Variants in FAM120B observed in about 807,000 individuals in gnomAD.
FAM120B encodes the protein constitutive coactivator of peroxisome proliferator-activated receptor gamma.
A neutral mutation model predicts 96.3 loss-of-function variants in FAM120B; 83 were observed. The ratio of observed to expected loss-of-function variants is 0.86; its 90% CI spans 0.72 to 1.03. The LOEUF (loss-of-function observed/expected upper bound fraction) is 1.03. Ranked by LOEUF, FAM120B falls within the 50% of genes least tolerant of loss-of-function variation. FAM120B has a pLI of 0.00. For synonymous variants in FAM120B, 407 were observed against 402.7 expected (o/e 1.01, Z -0.13); for missense variants, 1,027 against 1,121.2 (o/e 0.92, Z 1.20).
chr6:170,373,488 A>T (rs931917957), intron 6 of FAM120B, among the ~76,000 whole-genome samples: 1 of 152,182 alleles, frequency 6.6e-6, no homozygotes, highest in African/African-American at 2.4e-5. Flanking sequence ...TCAGATCCTC[A>T]GATTTTACTC....
chr6:170,361,182 C>CTATATATATATACATATA (rs1554286307), intron 6 of FAM120B, among the ~76,000 whole-genome samples: 1,187 of 75,494 alleles, frequency 0.016, 49 homozygotes, highest in African/African-American at 0.058. Flanking sequence ...AGCCTTAAAA[C>CTATATATATATACATATA]TATATATATA....
chr6:170,389,362 A>G (rs1169668071), intron 7 of FAM120B, among the ~76,000 whole-genome samples: 1 of 152,144 alleles, frequency 6.6e-6, no homozygotes, highest in African/African-American at 2.4e-5. Flanking sequence ...TAGCAGTTTT[A>G]GATTTTGGAT....
At chr6:170,331,075 CT>C (rs1786000644) in intron 4 of FAM120B, among the ~76,000 whole-genome samples, 2 of 152,178 alleles carry the variant, frequency 1.3e-5, no homozygotes, top group East Asian at 3.8e-4. Flanking sequence ...TATCTTAAAG[CT>C]TAATGAGAGG....
intron 9 of FAM120B, among the ~76,000 whole-genome samples, chr6:170,398,200 G>T (rs972208420): frequency 2.0e-5 from 3 of 152,240 alleles, no homozygotes; most frequent in African/African-American, 7.2e-5. Flanking sequence ...TTTCCATCAG[G>T]CATCTGGCCT....
rs369276526 is a variant in FAM120B at position 170,396,700 on chromosome 6, G to A, written c.2692+1121G>A. On this transcript the variant is annotated intron_variant, in intron 9 of 10. Transcript: ENST00000476287. Reference sequence around the variant, plus strand: ...TAAACATAAGGGTCACTTCCACTTCGTCACTAACTAAATCATCCGAGTATT... The same window carrying A: ...TAAACATAAGGGTCACTTCCACTTCATCACTAACTAAATCATCCGAGTATT... 1.3e-4 allele frequency among the ~76,000 whole-genome samples: 20 copies of A among 152,208 alleles called. No homozygotes were observed. The East Asian group carries it at 2.7e-3, about 21-fold the overall frequency.
At chr6:170,339,893 C>G (rs770483177) in intron 4 of FAM120B, among the ~76,000 whole-genome samples, 14 of 152,066 alleles carry the variant, frequency 9.2e-5, no homozygotes, top group Non-Finnish European at 1.9e-4. Context: ...TGTAGGTAAC[C>G]TGACCTTTCT....
At chr6:170,372,046 T>A (rs1373863404) in intron 6 of FAM120B, among the ~76,000 whole-genome samples, 1 of 152,212 alleles carries the variant, frequency 6.6e-6, no homozygotes, top group Non-Finnish European at 1.5e-5. Flanking sequence ...CAGTTATTTT[T>A]AAAGAGTTTA....
intron 9 of FAM120B, among the ~76,000 whole-genome samples, chr6:170,403,631 G>A (rs184338444): frequency 6.6e-6 from 1 of 152,136 alleles, no homozygotes; most frequent in Non-Finnish European, 1.5e-5. Flanking sequence ...GAGAACAAAG[G>A]CTGCTCAAGT....
chr6:170,394,063 C>T (rs563977785), intron 8 of FAM120B, among the ~76,000 whole-genome samples: 4 of 152,312 alleles, frequency 2.6e-5, no homozygotes, highest in East Asian at 3.9e-4. Context: ...TGAGCACACA[C>T]GGGCTGACCC....
intron 9 of FAM120B, among the ~76,000 whole-genome samples, chr6:170,399,776 A>G (rs1778443761): frequency 6.7e-6 from 1 of 149,454 alleles, no homozygotes; most frequent in Non-Finnish European, 1.5e-5. Flanking sequence ...CTATGTCATA[A>G]CCCTTAGGAG....
rs372705433 is a variant in FAM120B at position 170,330,522 on chromosome 6, C to T, written c.1989C>T (p.Leu663=). The change falls in exon 4 of 11, where the codon CTC becomes CTT. Residue 663 remains leucine (L), a synonymous_variant. Coordinates refer to ENST00000476287, the MANE Select transcript of FAM120B (RefSeq NM_032448.3). ...YPGNPLRHPD[L]VRPLQMTIPG... ...GGAACCCACTGAGGCACCCGGACCT[C>T]GTCAGGCCGCTGCAGATGACCATTC... 4.7e-5 allele frequency: 76 copies of T among 1,614,146 alleles called. No homozygotes were observed. The highest frequency in any genetic ancestry group is 2.9e-4 in the East Asian group (13 of 44,884).
intron 7 of FAM120B, among the ~76,000 whole-genome samples, chr6:170,389,709 A>C (rs1221731904): frequency 2.0e-5 from 3 of 152,070 alleles, no homozygotes; most frequent in African/African-American, 7.2e-5. Context: ...GCAGGCGCGC[A>C]TCACCATGCC....
rs1209696585 is a variant in FAM120B, at chr6:170,395,582, A to G, written c.2692+3A>G. 2 of 1,585,880 alleles carry G rather than the reference A, an allele frequency of 1.3e-6. No homozygotes were observed. The highest frequency in any genetic ancestry group is 1.3e-5 in the African/African-American group (1 of 74,140). On this transcript the variant is annotated splice_donor_region_variant and intron_variant, in intron 9 of 10. Coordinates refer to ENST00000476287, the MANE Select transcript of FAM120B (RefSeq NM_032448.3). ...GCCGTGGAGAGACCAGGGACCAGGT[A>G]AGAAGGCCAGTGGTCACTCTGCTGG...
At chr6:170,315,525 A>C (rs565000722) in intron 1 of FAM120B, among the ~76,000 whole-genome samples, 1 of 152,106 alleles carries the variant, frequency 6.6e-6, no homozygotes, top group South Asian at 2.1e-4. Context: ...CACTTCAAAA[A>C]CTCAAATACC....
chr6:170,327,829 C>A lies in FAM120B; in HGVS notation c.1916-2620C>A, dbSNP rs552356056. Among the ~76,000 whole-genome samples, 550 of 152,050 alleles carry A rather than the reference C, an allele frequency of 3.6e-3. 1 individual carries two copies. Among genetic ancestry groups the A allele is most frequent in the Non-Finnish European group, 5.8e-3 (397 of 67,998 alleles). Reference sequence around the variant, plus strand: ...TTATACACACTGCACACGCAGGCTGCTCCGGTGAGTCCATGAGTGAGTGAA... The same window carrying A: ...TTATACACACTGCACACGCAGGCTGATCCGGTGAGTCCATGAGTGAGTGAA... On this transcript the variant is annotated intron_variant, in intron 3 of 10. Transcript: ENST00000476287.
At chr6:170,375,196 G>A (rs763775283) in intron 6 of FAM120B, among the ~76,000 whole-genome samples, 47 of 152,352 alleles carry the variant, frequency 3.1e-4, no homozygotes, top group Middle Eastern at 3.4e-3. Flanking sequence ...TAATCAGTGT[G>A]TCAGCACAGA....
rs970362863 is a variant in FAM120B, at chr6:170,315,477, C to T, written c.-21-1893C>T. Among the ~76,000 whole-genome samples the T allele has an allele frequency of 2.0e-5, 3 of 152,162 alleles. No individual in the cohort carries two copies. In the East Asian group the frequency reaches 5.8e-4, roughly 29 times the overall value. On this transcript the variant is annotated intron_variant, in intron 1 of 10. Coordinates refer to ENST00000476287, the MANE Select transcript of FAM120B (RefSeq NM_032448.3). ...CATAGGTTCCATGCCATAGAACCAC[C>T]TTACAGTTGACGTAATCACACTATG...
chr6:170,319,348 G>A (rs1000320982), intron 2 of FAM120B, among the ~76,000 whole-genome samples: 9 of 152,214 alleles, frequency 5.9e-5, no homozygotes, highest in African/African-American at 1.9e-4. Context: ...GAATACAAGA[G>A]AGAAAGAGAA....
intron 9 of FAM120B, among the ~76,000 whole-genome samples, chr6:170,402,500 G>A (rs1004014338): frequency 2.6e-5 from 4 of 152,234 alleles, no homozygotes; most frequent in Non-Finnish European, 4.4e-5. Flanking sequence ...GTGGGCACAG[G>A]AGCAGTGCGG....
Sources: gnomAD v4.1 joint callset for allele counts (sites outside exome capture counted in the v4.1 genomes callset) on GRCh38, gnomAD v4.1.1 for gene constraint, MANE v1.5 for transcripts, NCBI Gene and HGNC (gene_info 2026-07-23, HGNC 2026-07-21) for gene names.